PVT1: variants seen among roughly 807,000 people sequenced by gnomAD.
The protein encoded by PVT1 is Pvt1 oncogene, also known as CXCR4/PVT1 fusion.
chr8:128,046,317 G>T (rs939883065), intron 4 of PVT1, among the ~76,000 whole-genome samples: 2 of 152,144 alleles, frequency 1.3e-5, no homozygotes, highest in Non-Finnish European at 2.9e-5. Context: ...GCCCTAAGAG[G>T]CCTCTGCTGA....
chr8:128,029,104 A>G (rs1396281172), intron 4 of PVT1, among the ~76,000 whole-genome samples: 1 of 151,814 alleles, frequency 6.6e-6, no homozygotes, highest in Non-Finnish European at 1.5e-5. Flanking sequence ...TAGCCTCCCA[A>G]GCAGCTCTTG....
chr8:127,845,599 A>G (rs1019206776), intron 2 of PVT1, among the ~76,000 whole-genome samples: 1 of 152,222 alleles, frequency 6.6e-6, no homozygotes, highest in African/African-American at 2.4e-5. Context: ...ACATACTTAT[A>G]TAGCAGACTC....
At chr8:127,933,209 G>T (rs1156481660) in intron 3 of PVT1, among the ~76,000 whole-genome samples, 1 of 152,148 alleles carries the variant, frequency 6.6e-6, no homozygotes, top group East Asian at 1.9e-4. Flanking sequence ...TGGAGTAGCT[G>T]GGATTACAGG....
At chr8:127,799,542 T>C (rs1235118581) in intron 2 of PVT1, among the ~76,000 whole-genome samples, 1 of 152,120 alleles carries the variant, frequency 6.6e-6, no homozygotes, top group African/African-American at 2.4e-5. Context: ...GTAGGGAAAG[T>C]ATGCTGATGA....
At chr8:127,984,673 C>A (rs1330202153) in intron 3 of PVT1, among the ~76,000 whole-genome samples, 2 of 152,042 alleles carry the variant, frequency 1.3e-5, no homozygotes, top group African/African-American at 4.8e-5. Context: ...GTGGTACAAT[C>A]TCAGCTCACT....
At chr8:127,949,641 C>T (rs750551221) in intron 3 of PVT1, among the ~76,000 whole-genome samples, 3 of 152,042 alleles carry the variant, frequency 2.0e-5, no homozygotes, top group Non-Finnish European at 2.9e-5. Flanking sequence ...TAACACCTCT[C>T]ACATGGTTAA....
intron 3 of PVT1, among the ~76,000 whole-genome samples, chr8:127,967,463 C>T (rs1816715961): frequency 6.6e-6 from 1 of 152,242 alleles, no homozygotes; most frequent in Admixed American, 6.5e-5. Flanking sequence ...ACGGCAGAGG[C>T]TAGCACTGGG....
At chr8:127,908,932 C>G (rs887722232) in intron 3 of PVT1, among the ~76,000 whole-genome samples, 1 of 152,230 alleles carries the variant, frequency 6.6e-6, no homozygotes, top group Non-Finnish European at 1.5e-5. Context: ...TTGAACCCAG[C>G]TGCCGGGTCT....
chr8:127,983,290 G>A (rs6981085), intron 3 of PVT1, among the ~76,000 whole-genome samples: 13,739 of 152,184 alleles, frequency 0.09, 2,051 homozygotes, highest in African/African-American at 0.31. Flanking sequence ...CTTCTTGGAC[G>A]GAGGTGGTGG....
intron 2 of PVT1, among the ~76,000 whole-genome samples, chr8:127,872,404 A>G (rs574280427): frequency 7.2e-5 from 11 of 152,152 alleles, no homozygotes; most frequent in Non-Finnish European, 1.5e-4. Flanking sequence ...CAGAGAGAGT[A>G]TCCGTCTCAA....
chr8:127,988,160 C>T (rs1816991108), intron 3 of PVT1, among the ~76,000 whole-genome samples: 2 of 152,346 alleles, frequency 1.3e-5, no homozygotes, highest in Admixed American at 6.5e-5. Flanking sequence ...GTGGGGAATA[C>T]AAGCCACCTG....
chr8:128,050,900 A>G (rs1813686499), intron 4 of PVT1, among the ~76,000 whole-genome samples: 1 of 152,190 alleles, frequency 6.6e-6, no homozygotes, highest in South Asian at 2.1e-4. Context: ...TTCTGCCACA[A>G]AGTCATCTTC....
chr8:128,090,898 A>G (rs1326479224), intron 5 of PVT1, among the ~76,000 whole-genome samples: 1 of 151,856 alleles, frequency 6.6e-6, no homozygotes, highest in Non-Finnish European at 1.5e-5. Context: ...TGCGGCATGG[A>G]GGTCGTGGGT....
At chr8:128,050,252 C>T (rs1385531576) in intron 4 of PVT1, among the ~76,000 whole-genome samples, 6 of 152,218 alleles carry the variant, frequency 3.9e-5, no homozygotes, top group African/African-American at 9.6e-5. Context: ...CCTCTCCCAT[C>T]CCATGCCTCA....
In PVT1 at chr8:127,971,925, C is replaced by G. The variant is rs539291594; in HGVS notation, n.783-17237C>G. Among the ~76,000 whole-genome samples the G allele has an allele frequency of 5.3e-4, 81 of 152,204 alleles. 2 individuals are homozygous for G. Among genetic ancestry groups the G allele is most frequent in the Admixed American group, 3.7e-3 (57 of 15,282 alleles). ...CTTCGGACAGTCCGGCCAAGTGAGA[C>G]TGTCAGGCAGATGACTGTGGTGAAG... On this transcript the variant is annotated intron_variant and non_coding_transcript_variant, in intron 3 of 10. Transcript: ENST00000651587.
Position 127,832,630 on chromosome 8 carries a change from G to C in PVT1, n.372+36559G>C, listed in dbSNP as rs112819013. Among the ~76,000 whole-genome samples the C allele has an allele frequency of 9.2e-3, 1,402 of 152,232 alleles. 26 individuals carry two copies. The highest frequency in any genetic ancestry group is 0.032 in the African/African-American group (1,327 of 41,528). ...TCCCAGCACTTTGGGAGGCCAAGGC[G>C]GGCGGATCACGAGGTCAGGAGATAG... On this transcript the variant is annotated intron_variant and non_coding_transcript_variant, in intron 2 of 10. Transcript: ENST00000651587.
intron 2 of PVT1, among the ~76,000 whole-genome samples, chr8:127,864,578 T>C (rs59127842): frequency 0.019 from 2,914 of 152,110 alleles, 96 homozygotes; most frequent in African/African-American, 0.067. Flanking sequence ...GACAGAGTCT[T>C]GCTCTGTCAC....
intron 3 of PVT1, among the ~76,000 whole-genome samples, chr8:127,941,652 G>T (rs1274302992): frequency 6.6e-6 from 1 of 152,104 alleles, no homozygotes; most frequent in Non-Finnish European, 1.5e-5. Context: ...GCTATTGTTG[G>T]GCATTACTTT....
At chr8:128,097,317 C>T (rs1001214567) in intron 6 of PVT1, among the ~76,000 whole-genome samples, 6 of 62,032 alleles carry the variant, frequency 9.7e-5, no homozygotes, top group African/African-American at 1.9e-4. Context: ...GCTGAGATAG[C>T]GCCACTGAAC....
Sources: allele counts gnomAD v4.1 joint callset (sites outside exome capture counted in the v4.1 genomes callset), GRCh38; gene constraint gnomAD v4.1.1; transcripts MANE v1.5; gene names NCBI Gene and HGNC (gene_info 2026-07-23, HGNC 2026-07-21).